FGFRL1: variants seen among roughly 807,000 people sequenced by gnomAD.
The protein encoded by FGFRL1 is fibroblast growth factor receptor like 1.
FGFRL1 carries 24 observed loss-of-function variants against 36.8 expected under a neutral mutation model. The ratio of observed to expected loss-of-function variants is 0.65; its 90% CI spans 0.47 to 0.92. FGFRL1 has a LOEUF of 0.92. FGFRL1 is among the 40% of genes least tolerant of loss of function. The pLI, the probability that FGFRL1 is intolerant of heterozygous loss-of-function variation, is 0.00. For missense variants in FGFRL1, 785 were observed against 753.4 expected (o/e 1.04, Z -0.49); for synonymous variants, 422 against 344.1 (o/e 1.23, Z -2.50).
intron 2 of FGFRL1, among the ~76,000 whole-genome samples, chr4:1,018,681 C>T (rs745320990): frequency 6.6e-6 from 1 of 152,182 alleles, no homozygotes; most frequent in Non-Finnish European, 1.5e-5. Context: ...GCGAGGCAGC[C>T]GGTCTTCCCA....
In FGFRL1 at chr4:1,025,349, C is replaced by T. The variant is rs370665283; in HGVS notation, c.*2C>T. The T allele has an allele frequency of 8.6e-5, 132 of 1,542,694 alleles. No individual in the cohort carries two copies. In the African/African-American group the frequency reaches 1.1e-3, roughly 13 times the overall value. On this transcript the variant is annotated 3_prime_UTR_variant, in exon 7 of 7. Transcript: ENST00000510644. ...CAGCACATCCACTATCAGTGCTAGACGGCACCGTATCTGCAGTGGGCACGG... is the reference window on the plus strand; with the variant it reads ...CAGCACATCCACTATCAGTGCTAGATGGCACCGTATCTGCAGTGGGCACGG...
chr4:1,024,048 G>A lies in FGFRL1; in HGVS notation c.665G>A (p.Arg222His), dbSNP rs780279438. ...RPEDSGKYTCRVSNRAGAINA... is the reference protein window; with the variant it reads ...RPEDSGKYTCHVSNRAGAINA... ...GAGGACAGCGGCAAATACACCTGCC[G>A]CGTGTCGAACCGCGCGGGCGCCATC... The change falls in exon 5 of 7, where the codon CGC (arginine) becomes CAC (histidine). Residue 222 changes from arginine (R) to histidine (H), a missense_variant. Transcript: ENST00000510644. 55 of 1,606,834 alleles carry A rather than the reference G, an allele frequency of 3.4e-5. No individual in the cohort carries two copies. The highest frequency in any genetic ancestry group is 8.8e-5 in the South Asian group (8 of 90,612).
In FGFRL1 at chr4:1,011,879, G is replaced by A. The variant is rs1385401175; in HGVS notation, c.-92G>A. On this transcript the variant is annotated 5_prime_UTR_variant, in exon 1 of 7. Transcript: ENST00000510644. The stretch of plus-strand genomic sequence containing the variant: ...CGGGGCGGCGGGATGCGGCGCCCGG[G>A]GCGGCGATGACCGCGGAGCGCACGC... 1 of 145,162 alleles carries A rather than the reference G, an allele frequency of 6.9e-6. No homozygotes were observed. The highest frequency in any genetic ancestry group is 6.8e-5 in the Admixed American group (1 of 14,668). 9.0% of individuals were successfully genotyped at this position (145,162 alleles called of 1,614,324 possible). A position where few individuals can be genotyped will look rare whatever the true frequency, so the allele number is the denominator to read the frequency against.
Position 1,022,248 on chromosome 4 carries a change from G to T in FGFRL1, c.125G>T (p.Arg42Leu). The stretch of plus-strand genomic sequence containing the variant: ...AAGGTGGTCCCACGGCAGGTGGCCC[G>T]GCTGGGCCGCACTGTGCGGCTGCAG... ...ADKVVPRQVARLGRTVRLQCP... is the reference protein window; with the variant it reads ...ADKVVPRQVALLGRTVRLQCP... The change falls in exon 3 of 7, where the codon CGG (arginine) becomes CTG (leucine). Residue 42 changes from arginine to leucine, a missense_variant. Coordinates refer to ENST00000510644, the MANE Select transcript of FGFRL1 (RefSeq NM_001004356.3). 1.3e-6 allele frequency: 2 copies of T among 1,556,526 alleles called. No homozygotes were observed. The highest frequency in any genetic ancestry group is 2.4e-5 in the East Asian group (1 of 42,216).
chr4:1,024,232 GTGC>G, intron 5 of FGFRL1, 76 bp from the exon 6 acceptor site: 1 of 1,448,656 alleles, frequency 6.9e-7, no homozygotes, highest in East Asian at 2.5e-5. Flanking sequence ...TGGGCTGGGG[GTGC>G]TGGTGGGCCC....
chr4:1,011,249 G>C (rs1296688906), upstream of FGFRL1: 1 of 152,310 alleles, frequency 6.6e-6, no homozygotes, highest in Non-Finnish European at 1.5e-5. Flanking sequence ...GGGGGTCGCG[G>C]AGGTGTCTCG....
At chr4:1,010,333 C>A (rs1244961778), upstream of FGFRL1, among the ~76,000 whole-genome samples, 8 of 152,264 alleles carry the variant, frequency 5.3e-5, no homozygotes, top group Non-Finnish European at 1.2e-4. Flanking sequence ...GCACCTCCAT[C>A]CGCCCTCGCG....
At position 1,025,556 on chromosome 4, in the gene FGFRL1, A is replaced by G. The variant is rs1309436571; in HGVS notation, c.*209A>G. On this transcript the variant is annotated 3_prime_UTR_variant, in exon 7 of 7. Transcript: ENST00000510644. ...TGCATGTATGCACACACATGCGCGC[A>G]CACGTGCTCCCTGAAGGCACACGTA... is the stretch of plus-strand genomic sequence containing the variant. 6 of 651,024 alleles carry G rather than the reference A, an allele frequency of 9.2e-6. No individual in the cohort carries two copies. Among genetic ancestry groups the G allele is most frequent in the South Asian group, 6.0e-5 (3 of 50,152 alleles). The allele number at this position is 651,024 out of a possible 1,614,324, so 40.3% of individuals were successfully genotyped here.
chr4:1,016,529 T>TG (rs1715895723), intron 2 of FGFRL1, among the ~76,000 whole-genome samples: 1 of 152,050 alleles, frequency 6.6e-6, no homozygotes, highest in Non-Finnish European at 1.5e-5. Context: ...AGCAGTGCCC[T>TG]GGGGCTGGGG....
chr4:1,025,508 C>G lies in FGFRL1; in HGVS notation c.*161C>G. On this transcript the variant is annotated 3_prime_UTR_variant, in exon 7 of 7. Coordinates refer to ENST00000510644, the MANE Select transcript of FGFRL1 (RefSeq NM_001004356.3). ...GAGGCATAGCCCCTGGACACACACACACAGACACACACACTGCCTGGATGC... is the reference window on the plus strand; with the variant it reads ...GAGGCATAGCCCCTGGACACACACAGACAGACACACACACTGCCTGGATGC... The G allele has an allele frequency of 1.2e-6, 1 of 802,782 alleles. No individual in the cohort carries two copies. The highest frequency in any genetic ancestry group is 2.0e-6 in the Non-Finnish European group (1 of 512,594). 49.7% of individuals were successfully genotyped at this position (802,782 alleles called of 1,614,324 possible).
At chr4:1,020,362 C>T (rs114065860) in intron 2 of FGFRL1, among the ~76,000 whole-genome samples, 5,167 of 152,046 alleles carry the variant, frequency 0.034, 136 homozygotes, top group East Asian at 0.12. Context: ...ACATGGAGAG[C>T]AGTGAGTGGG....
chr4:1,017,402 C>A (rs1715946745), intron 2 of FGFRL1, among the ~76,000 whole-genome samples: 1 of 152,208 alleles, frequency 6.6e-6, no homozygotes. Context: ...CTGCCCCTCC[C>A]TCCCCAGCGC....
intron 2 of FGFRL1, among the ~76,000 whole-genome samples, chr4:1,017,889 C>G (rs1560559998): frequency 6.6e-6 from 1 of 151,826 alleles, no homozygotes; most frequent in Non-Finnish European, 1.5e-5. Flanking sequence ...GGCCCCCACA[C>G]CCACACCGTT....
intron 3 of FGFRL1, 105 bp downstream of exon 3, chr4:1,022,580 C>T (rs932791248): frequency 6.4e-6 from 9 of 1,408,290 alleles, no homozygotes; most frequent in African/African-American, 1.4e-5. Flanking sequence ...TCAGCCAGCC[C>T]CCGGCAGAAA....
intron 2 of FGFRL1, among the ~76,000 whole-genome samples, chr4:1,012,792 C>T (rs2153024909): frequency 6.6e-6 from 1 of 152,364 alleles, no homozygotes; most frequent in African/African-American, 2.4e-5. Context: ...TGCGTGCTTG[C>T]TGGCCAGGTG....
Position 1,026,821 on chromosome 4 carries a change from A to T in FGFRL1, c.*1474A>T, listed in dbSNP as rs1477585339. ...GTCGTGGTGGCCCCAGATCTCTGTA[A>T]TTTTATGTAGAGTTTGAGCTGAAGC... On this transcript the variant is annotated 3_prime_UTR_variant, in exon 7 of 7. Coordinates refer to ENST00000510644, the MANE Select transcript of FGFRL1 (RefSeq NM_001004356.3). 2 of 455,118 alleles carry T rather than the reference A, an allele frequency of 4.4e-6. No individual in the cohort carries two copies. The highest frequency in any genetic ancestry group is 4.0e-5 in the African/African-American group (2 of 49,994). The allele number at this position is 455,118 out of a possible 1,614,324, so 28.2% of individuals were successfully genotyped here.
Position 1,024,873 on chromosome 4 carries a change from C to T in FGFRL1, c.1073-32C>T, listed in dbSNP as rs202017203. On this transcript the variant is annotated intron_variant, in intron 6 of 6. Transcript: ENST00000510644. The stretch of plus-strand genomic sequence containing the variant: ...CTCCTGGTCTTTGTGTCGGCGTTCC[C>T]CTCCCTACCTCCTTTCCTCTCGCTC... The T allele has an allele frequency of 7.4e-4, 1,147 of 1,554,144 alleles. 1 individual carries two copies. The highest frequency in any genetic ancestry group is 9.2e-4 in the Non-Finnish European group (1,067 of 1,154,728).
chr4:1,019,593 C>T (rs1318223530), intron 2 of FGFRL1, among the ~76,000 whole-genome samples: 2 of 152,206 alleles, frequency 1.3e-5, no homozygotes, highest in Admixed American at 6.5e-5. Flanking sequence ...GCCCTGCAGC[C>T]GCTTCCTCCC....
At chr4:1,022,141 C>G in intron 2 of FGFRL1, 62 bp from the exon 3 acceptor site, 1 of 1,301,958 alleles carries the variant, frequency 7.7e-7, no homozygotes, top group Non-Finnish European at 1.0e-6. Flanking sequence ...CCCTTTTGAC[C>G]GCCCCCCCGG....
Sources: allele counts gnomAD v4.1 joint callset (sites outside exome capture counted in the v4.1 genomes callset), GRCh38; gene constraint gnomAD v4.1.1; transcripts MANE v1.5; gene names NCBI Gene and HGNC (gene_info 2026-07-23, HGNC 2026-07-21).